Variants in BBS9 observed in about 807,000 individuals in gnomAD.
BBS9 encodes the protein protein PTHB1.
In BBS9, 89 loss-of-function variants were observed where a neutral mutation model predicts 117.7. The observed-to-expected ratio is 0.76, with a 90% CI of 0.64 to 0.90. The LOEUF is 0.90. BBS9 is among the 40% of genes least tolerant of loss of function. BBS9 has a pLI of 0.00. For missense variants in BBS9, 982 were observed against 1,042.2 expected (o/e 0.94, Z 0.80); for synonymous variants, 379 against 370.9 (o/e 1.02, Z -0.25).
chr7:33,163,536 A>C (rs569354169), intron 4 of BBS9, among the ~76,000 whole-genome samples: 37 of 152,074 alleles, frequency 2.4e-4, no homozygotes, highest in Non-Finnish European at 4.3e-4. Context: ...CAGAGATCCA[A>C]CTTCTTCCTG....
intron 21 of BBS9, 183 bp downstream of exon 21, chr7:33,534,359 G>C: frequency 1.5e-6 from 1 of 670,008 alleles, no homozygotes; most frequent in Middle Eastern, 4.0e-4. Context: ...TGAGATATTT[G>C]CTTGCTAGAC....
chr7:33,257,850 T>C (rs1218507061), intron 6 of BBS9, among the ~76,000 whole-genome samples: 3 of 152,190 alleles, frequency 2.0e-5, no homozygotes, highest in Non-Finnish European at 4.4e-5. Flanking sequence ...GGAATTCTTT[T>C]ATAAGAAAAA....
chr7:33,399,194 A>C (rs1457041478), intron 19 of BBS9, among the ~76,000 whole-genome samples: 4 of 151,948 alleles, frequency 2.6e-5, no homozygotes, highest in Non-Finnish European at 5.9e-5. Flanking sequence ...TCCTCATTTT[A>C]TATTGTTTCT....
At chr7:33,606,968 C>A (rs78842334), downstream of BBS9, among the ~76,000 whole-genome samples, 1,275 of 152,224 alleles carry the variant, frequency 8.4e-3, 23 homozygotes, top group East Asian at 0.084. Flanking sequence ...TATAGTCCCA[C>A]TGTCTCCTCT....
chr7:33,186,891 A>T (rs1783224212), intron 5 of BBS9, among the ~76,000 whole-genome samples: 2 of 152,234 alleles, frequency 1.3e-5, no homozygotes. Context: ...TAGACAAACA[A>T]GTTACAGTTT....
intron 19 of BBS9, among the ~76,000 whole-genome samples, chr7:33,406,568 A>G (rs1228516822): frequency 6.6e-6 from 1 of 152,262 alleles, no homozygotes; most frequent in East Asian, 1.9e-4. Flanking sequence ...TGCAGCGGCT[A>G]GTACCGGTTG....
intron 7 of BBS9, among the ~76,000 whole-genome samples, chr7:33,264,690 A>G (rs1798521809): frequency 6.6e-6 from 1 of 152,076 alleles, no homozygotes; most frequent in Non-Finnish European, 1.5e-5. Flanking sequence ...AATTTTGTAG[A>G]TTATATTCTA....
At chr7:33,440,057 AG>A (rs1835935454) in intron 19 of BBS9, among the ~76,000 whole-genome samples, 1 of 152,300 alleles carries the variant, frequency 6.6e-6, no homozygotes, top group South Asian at 2.1e-4. Flanking sequence ...TGATGCAAAA[AG>A]GCTTAGACGT....
chr7:33,516,889 T>C (rs533436000), intron 20 of BBS9, among the ~76,000 whole-genome samples: 2 of 152,304 alleles, frequency 1.3e-5, no homozygotes, highest in South Asian at 4.1e-4. Context: ...CCCACAACAA[T>C]GAATAAGAAT....
intron 21 of BBS9, among the ~76,000 whole-genome samples, chr7:33,566,203 G>A (rs947675147): frequency 6.6e-6 from 1 of 151,406 alleles, no homozygotes; most frequent in Non-Finnish European, 1.5e-5. Flanking sequence ...TTAAGATATT[G>A]GCATAATGTT....
At position 33,367,760 on chromosome 7, in the gene BBS9, T is replaced by C. The variant is rs1233890902; in HGVS notation, c.1694-7T>C. 1.2e-6 allele frequency: 2 copies of C among 1,613,446 alleles called. No individual in the cohort carries two copies. The highest frequency in any genetic ancestry group is 1.7e-5 in the Admixed American group (1 of 60,022). ...TACATAAGGTGATTTCTCTCTTTTC[T>C]TTGTAGGTTTTGCCAGTCAGTCAGA... On this transcript the variant is annotated splice_region_variant and splice_polypyrimidine_tract_variant and intron_variant, in intron 16 of 22. Coordinates refer to ENST00000242067, the MANE Select transcript of BBS9 (RefSeq NM_198428.3).
At chr7:33,190,293 G>C (rs902815001) in intron 5 of BBS9, among the ~76,000 whole-genome samples, 2 of 151,868 alleles carry the variant, frequency 1.3e-5, no homozygotes, top group East Asian at 3.9e-4. Context: ...CTAACTTTTT[G>C]TATTTTTGGT....
chr7:33,605,620 C>CA lies in BBS9; in HGVS notation c.*395dup, dbSNP rs1864481925. ...ATGTATCAAGTTTAATAAAGCATCT[C>CA]ATTGTCAAATAATATCTTGGATTTT... On this transcript the variant is annotated 3_prime_UTR_variant, in exon 23 of 23. Transcript: ENST00000242067. 4.2e-6 allele frequency: 1 copy of CA among 235,832 alleles called. No individual in the cohort carries two copies. Among genetic ancestry groups the CA allele is most frequent in the African/African-American group, 2.3e-5 (1 of 44,048 alleles). The allele number at this position is 235,832 out of a possible 1,614,324, so 14.6% of individuals were successfully genotyped here.
At chr7:33,215,474 C>T (rs1277450310) in intron 5 of BBS9, among the ~76,000 whole-genome samples, 4 of 152,162 alleles carry the variant, frequency 2.6e-5, no homozygotes, top group Admixed American at 6.5e-5. Context: ...CTGTCTCTTG[C>T]AATATATGAT....
chr7:33,152,905 A>G, intron 3 of BBS9, 54 bp downstream of exon 3: 2 of 1,567,476 alleles, frequency 1.3e-6, no homozygotes, highest in East Asian at 2.2e-5. Context: ...AATCCTTTAC[A>G]GTGTCACTTT....
At chr7:33,387,945 GT>G (rs750110469) in intron 18 of BBS9, 46 bp from the exon 19 acceptor site, 5 of 1,590,564 alleles carry the variant, frequency 3.1e-6, no homozygotes, top group Non-Finnish European at 8.6e-7. Context: ...CTTTAAAGAT[GT>G]TTTTTGTGTC....
At chr7:33,543,439 C>T (rs1390757830) in intron 21 of BBS9, among the ~76,000 whole-genome samples, 1 of 152,054 alleles carries the variant, frequency 6.6e-6, no homozygotes, top group Non-Finnish European at 1.5e-5. Context: ...TTCCTTTTGC[C>T]ATGCAAAAGC....
intron 6 of BBS9, among the ~76,000 whole-genome samples, chr7:33,263,755 T>C (rs546571705): frequency 2.6e-5 from 4 of 152,274 alleles, no homozygotes; most frequent in African/African-American, 9.6e-5. Context: ...ATTTATTGTT[T>C]AATCCTTTTA....
In BBS9 at chr7:33,219,138, A is replaced by C. The variant is rs10951382; in HGVS notation, c.443-38098A>C. ...ACCCAGGCCAGCAGCTGCGGAGGGT[A>C]TACTGGGTCCCCCAGCAGTGCCAGA... is the stretch of plus-strand genomic sequence containing the variant. On this transcript the variant is annotated intron_variant, in intron 5 of 22. Coordinates refer to ENST00000242067, the MANE Select transcript of BBS9 (RefSeq NM_198428.3). Among the ~76,000 whole-genome samples the C allele has an allele frequency of 2.2e-4, 34 of 152,230 alleles. No homozygotes were observed. The South Asian group carries it at 6.6e-3, about 30-fold the overall frequency.
Sources: allele counts gnomAD v4.1 joint callset (sites outside exome capture counted in the v4.1 genomes callset), GRCh38; gene constraint gnomAD v4.1.1; transcripts MANE v1.5; gene names NCBI Gene and HGNC (gene_info 2026-07-23, HGNC 2026-07-21).